F13A1: variants seen among roughly 807,000 people sequenced by gnomAD.
F13A1 encodes FSF, A subunit.
In F13A1, 47 loss-of-function variants were observed where a neutral mutation model predicts 80.1. The ratio of observed to expected loss-of-function variants is 0.59; its 90% CI spans 0.46 to 0.75. The LOEUF is 0.75. Among genes scored for constraint, F13A1 ranks in the 30% least tolerant of loss-of-function variants. The pLI is 0.00. For synonymous variants in F13A1, 349 were observed against 344.9 expected, an observed-to-expected ratio of 1.01 and a Z score of -0.13; for missense variants, 817 against 930.4, an observed-to-expected ratio of 0.88 and a Z score of 1.59.
chr6:6,230,635 C>T (rs1757338124), intron 6 of F13A1, among the ~76,000 whole-genome samples: 1 of 152,194 alleles, frequency 6.6e-6, no homozygotes, highest in Non-Finnish European at 1.5e-5. Context: ...GGGAGCCAAC[C>T]AGCACAAAAA....
chr6:6,265,405 C>A (rs1012432096), intron 4 of F13A1, among the ~76,000 whole-genome samples: 2 of 152,170 alleles, frequency 1.3e-5, no homozygotes, highest in African/African-American at 4.8e-5. Context: ...CACATTGATG[C>A]TGCTGCAACA....
At chr6:6,298,138 T>C (rs895778806) in intron 3 of F13A1, among the ~76,000 whole-genome samples, 2 of 147,810 alleles carry the variant, frequency 1.4e-5, no homozygotes, top group Admixed American at 1.3e-4. Flanking sequence ...TCTGTTCTTT[T>C]ACATTTGCTG....
intron 7 of F13A1, 117 bp from the exon 8 acceptor site, chr6:6,222,288 C>A: frequency 7.4e-7 from 1 of 1,355,632 alleles, no homozygotes. Context: ...GCCCTTTGGA[C>A]ATGTTATTCT....
intron 8 of F13A1, among the ~76,000 whole-genome samples, chr6:6,198,054 T>C (rs1761322320): frequency 6.6e-6 from 1 of 152,368 alleles, no homozygotes; most frequent in East Asian, 1.9e-4. Flanking sequence ...CATATTCCTT[T>C]GTAGCAATTA....
At chr6:6,217,838 G>T (rs1757124813) in intron 8 of F13A1, among the ~76,000 whole-genome samples, 1 of 152,132 alleles carries the variant, frequency 6.6e-6, no homozygotes, top group South Asian at 2.1e-4. Context: ...GTGAAAGCTG[G>T]TTAATTTCTG....
intron 2 of F13A1, among the ~76,000 whole-genome samples, chr6:6,307,760 C>T (rs1475613645): frequency 2.0e-5 from 3 of 152,172 alleles, no homozygotes; most frequent in Admixed American, 2.0e-4. Flanking sequence ...GGGCTTCTAG[C>T]TTCCATTTGA....
intron 2 of F13A1, among the ~76,000 whole-genome samples, chr6:6,318,076 C>T (rs1030507669): frequency 6.6e-6 from 1 of 152,066 alleles, no homozygotes; most frequent in Non-Finnish European, 1.5e-5. Context: ...TGGCACTTCT[C>T]CCCGGCTCTG....
At chr6:6,210,324 G>GATATATATATATGTATAT (rs1554100763) in intron 8 of F13A1, among the ~76,000 whole-genome samples, 2 of 82,906 alleles carry the variant, frequency 2.4e-5, no homozygotes, top group African/African-American at 1.0e-4. Flanking sequence ...TGTAGCATGT[G>GATATATATATATGTATAT]ATATATATAT....
chr6:6,191,976 G>T (rs1236140559), intron 10 of F13A1, among the ~76,000 whole-genome samples: 1 of 152,242 alleles, frequency 6.6e-6, no homozygotes, highest in Non-Finnish European at 1.5e-5. Flanking sequence ...CTTTGAAGAG[G>T]TGACCAGAGC....
chr6:6,191,098 G>A (rs1200865618), intron 10 of F13A1, among the ~76,000 whole-genome samples: 14 of 152,228 alleles, frequency 9.2e-5, no homozygotes, highest in Admixed American at 1.3e-4. Flanking sequence ...CACGGTGCGT[G>A]CACCCACTGA....
In F13A1 at chr6:6,151,946, G is replaced by A. The variant is rs200803360; in HGVS notation, c.1912C>T (p.Arg638Cys). 9 of 1,613,860 alleles carry A rather than the reference G, an allele frequency of 5.6e-6. No individual in the cohort carries two copies. Among genetic ancestry groups the A allele is most frequent in the South Asian group, 2.2e-5 (2 of 91,068 alleles). The change falls in exon 14 of 15, where the codon CGT becomes TGT. Residue 638 changes from arginine to cysteine, a missense_variant. Arg to Cys is a radical substitution (Grantham distance 180, BLOSUM62 -3). Coordinates refer to ENST00000264870, the MANE Select transcript of F13A1 (RefSeq NM_000129.4). Reference sequence around the variant, plus strand: ...TCAGAACCAACTACCTGAGTGCCACGGACCTAAGAGAGAGAATGCAGGTCA... The same window carrying A: ...TCAGAACCAACTACCTGAGTGCCACAGACCTAAGAGAGAGAATGCAGGTCA... ...LTIPEIIIKV[R>C]GTQVVGSDMT... is the part of the protein sequence containing the mutation.
chr6:6,228,013 A>G (rs895333076), intron 6 of F13A1, among the ~76,000 whole-genome samples: 61 of 152,204 alleles, frequency 4.0e-4, no homozygotes, highest in African/African-American at 1.4e-3. Context: ...CTCCCCTCAT[A>G]AGCAACAAGA....
At chr6:6,185,405 T>C (rs1761062183) in intron 10 of F13A1, among the ~76,000 whole-genome samples, 1 of 146,044 alleles carries the variant, frequency 6.8e-6, no homozygotes, top group Non-Finnish European at 1.5e-5. Context: ...GTTCTTGAGA[T>C]AGTTTACTGA....
At chr6:6,185,146 A>AT (rs1761056579) in intron 10 of F13A1, among the ~76,000 whole-genome samples, 1 of 145,082 alleles carries the variant, frequency 6.9e-6, no homozygotes, top group South Asian at 2.2e-4. Context: ...TTTTTTTATT[A>AT]TACTTTAAGT....
At chr6:6,212,403 C>A (rs1761634611) in intron 8 of F13A1, among the ~76,000 whole-genome samples, 1 of 152,170 alleles carries the variant, frequency 6.6e-6, no homozygotes, top group Non-Finnish European at 1.5e-5. Context: ...TGGGAGGCAC[C>A]CCCCAGCAGG....
intron 13 of F13A1, among the ~76,000 whole-genome samples, chr6:6,159,990 C>T (rs1263856913): frequency 1.3e-5 from 2 of 152,066 alleles, no homozygotes; most frequent in East Asian, 3.9e-4. Context: ...AATGTTCTCA[C>T]TGTTGGCCGG....
rs867239366 is a variant in F13A1, at chr6:6,261,647, C to T, written c.571+4911G>A. Among the ~76,000 whole-genome samples, 9 of 122,262 alleles carry T rather than the reference C, an allele frequency of 7.4e-5. 3 individuals are homozygous for T. The highest frequency in any genetic ancestry group is 2.9e-4 in the African/African-American group (9 of 30,990). The allele number at this position is 122,262 out of a possible 152,430, so 80.2% of individuals were successfully genotyped here. ...CCAGGTGATTCTGATGTGCTCCAAG[C>T]GTGGTGACCCTCCAGGTGATTCTGA... is the stretch of plus-strand genomic sequence containing the variant. On this transcript the variant is annotated intron_variant, in intron 4 of 14. Transcript: ENST00000264870.
chr6:6,248,960 G>A (rs895897155), intron 5 of F13A1, among the ~76,000 whole-genome samples: 4 of 152,200 alleles, frequency 2.6e-5, no homozygotes, highest in African/African-American at 9.7e-5. Context: ...GAGACAAGGT[G>A]GACCCCAGGA....
At chr6:6,281,722 G>A (rs114262898) in intron 3 of F13A1, among the ~76,000 whole-genome samples, 1,854 of 151,798 alleles carry the variant, frequency 0.012, 36 homozygotes, top group African/African-American at 0.042. Context: ...GGCCGGGCTT[G>A]GTGGCTCACG....
Sources: allele counts gnomAD v4.1 joint callset (sites outside exome capture counted in the v4.1 genomes callset), GRCh38; gene constraint gnomAD v4.1.1; transcripts MANE v1.5; gene names NCBI Gene and HGNC (gene_info 2026-07-23, HGNC 2026-07-21).